NR4A1: variants seen among roughly 807,000 people sequenced by gnomAD.
NR4A1 encodes nuclear receptor subfamily 4immunitygroup A member 1.
In NR4A1, 24 loss-of-function variants were observed where a neutral mutation model predicts 47.5. The observed-to-expected ratio is 0.50, with a 90% CI of 0.37 to 0.71. The LOEUF (loss-of-function observed/expected upper bound fraction) is 0.71, where lower values mean the gene tolerates loss of function less well. Ranked by LOEUF, NR4A1 falls within the 30% of genes least tolerant of loss-of-function variation. The pLI is 0.00. For missense variants in NR4A1, 669 were observed against 788.6 expected, an observed-to-expected ratio of 0.85 and a Z score of 1.82; for synonymous variants, 353 against 345.7, an observed-to-expected ratio of 1.02 and a Z score of -0.24.
At chr12:52,035,916 G>A (rs1029926343) in intron 1 of NR4A1, among the ~76,000 whole-genome samples, 3 of 152,134 alleles carry the variant, frequency 2.0e-5, no homozygotes, top group Non-Finnish European at 2.9e-5. Flanking sequence ...TCTTTGCTGC[G>A]TGGGGCCTGG....
intron 1 of NR4A1, among the ~76,000 whole-genome samples, chr12:52,023,425 C>A (rs1937928378): frequency 6.6e-6 from 1 of 152,194 alleles, no homozygotes; most frequent in Non-Finnish European, 1.5e-5. Context: ...TTGCTGGGAT[C>A]TGGGAAGGAA....
chr12:52,057,188 G>A lies in NR4A1; in HGVS notation c.1290G>A (p.Leu430=), dbSNP rs1939318538. 6.2e-7 allele frequency: 1 copy of A among 1,613,966 alleles called. No individual in the cohort carries two copies. Among genetic ancestry groups the A allele is most frequent in the Admixed American group, 1.7e-5 (1 of 59,998 alleles). ...WAEKIPGFAE[L]SPADQDLLLE... ...AGAAGATCCCTGGCTTTGCTGAGCT[G>A]TCACCGGCTGACCAGGACCTGTTGC... Residue 430 remains leucine, a synonymous_variant, in exon 5 of 7, where the codon CTG becomes CTA. Coordinates refer to ENST00000394825, the MANE Select transcript of NR4A1 (RefSeq NM_173157.3).
chr12:52,045,835 G>A (rs1466414932), intron 2 of NR4A1, among the ~76,000 whole-genome samples: 1 of 152,210 alleles, frequency 6.6e-6, no homozygotes, highest in Non-Finnish European at 1.5e-5. Flanking sequence ...GGAGAGCAGA[G>A]CCTGGGCCTG....
chr12:52,055,621 G>A (rs181422502), intron 2 of NR4A1: 108 of 430,480 alleles, frequency 2.5e-4, no homozygotes, highest in African/African-American at 2.0e-3. Flanking sequence ...GCTGGGGGTG[G>A]ACTTGGGAAC....
chr12:52,056,557 C>T lies in NR4A1; in HGVS notation c.1070C>T (p.Pro357Leu), dbSNP rs1939282420. The T allele has an allele frequency of 6.2e-7, 1 of 1,613,658 alleles. No individual in the cohort carries two copies. The highest frequency in any genetic ancestry group is 2.2e-5 in the East Asian group (1 of 44,836). Residue 357 changes from proline (P) to leucine (L), a missense_variant, in exon 4 of 7, where the codon CCA becomes CTA. Coordinates refer to ENST00000394825, the MANE Select transcript of NR4A1 (RefSeq NM_173157.3). ...GRLPSKPKQP[P>L]DASPANLLTS... ...CTACCTTCAAAACCCAAGCAGCCCC[C>T]AGATGCCTCCCCTGCCAATCTCCTC...
At chr12:52,058,602 G>A in intron 6 of NR4A1, 86 bp from the exon 7 acceptor site, 2 of 1,442,774 alleles carry the variant, frequency 1.4e-6, no homozygotes, top group Non-Finnish European at 1.8e-6. Flanking sequence ...GGTGGTCAGG[G>A]GCAGCAGTTT....
At position 52,026,496 on chromosome 12, in the gene NR4A1, A is replaced by G. The variant is rs545588291; in HGVS notation, c.-84+3557A>G. ...CAGGAACTCTTTAAGTGCTTTATGC[A>G]TAAAAACTCACTGGATCCTCACAAC... On this transcript the variant is annotated intron_variant, in intron 1 of 7. Transcript: ENST00000360284. Among the ~76,000 whole-genome samples, 4 of 152,328 alleles carry G rather than the reference A, an allele frequency of 2.6e-5. No homozygotes were observed. The South Asian group carries it at 8.3e-4, about 32-fold the overall frequency.
chr12:52,056,402 T>TG, intron 3 of NR4A1, 92 bp from the exon 4 acceptor site: 3 of 1,524,052 alleles, frequency 2.0e-6, no homozygotes, highest in Non-Finnish European at 2.6e-6. Flanking sequence ...AGGGACTCGG[T>TG]GGGGCGCGTC....
chr12:52,034,212 G>A (rs1344261658), intron 1 of NR4A1, among the ~76,000 whole-genome samples: 2 of 152,178 alleles, frequency 1.3e-5, no homozygotes, highest in Non-Finnish European at 1.5e-5. Flanking sequence ...TTCACACTGG[G>A]CCCTACATTC....
chr12:52,048,740 G>C (rs1565647379), upstream of NR4A1, among the ~76,000 whole-genome samples: 2 of 152,194 alleles, frequency 1.3e-5, no homozygotes, highest in Non-Finnish European at 2.9e-5. Context: ...GTGTGCTCCT[G>C]AGCAAAGTGT....
upstream of NR4A1, among the ~76,000 whole-genome samples, chr12:52,051,044 C>T (rs1335594457): frequency 6.6e-6 from 1 of 152,174 alleles, no homozygotes; most frequent in African/African-American, 2.4e-5. Flanking sequence ...TCTACAGCGC[C>T]CCTTCTCGGG....
intron 1 of NR4A1, among the ~76,000 whole-genome samples, chr12:52,036,612 C>A (rs567172887): frequency 1.2e-4 from 18 of 152,350 alleles, no homozygotes; most frequent in African/African-American, 4.3e-4. Flanking sequence ...GGGGCCTGCA[C>A]CCCCGCCTCG....
rs1275237460 is a variant in NR4A1 at position 52,055,341 on chromosome 12, G to T, written c.876+137G>T. 4 of 1,156,406 alleles carry T rather than the reference G, an allele frequency of 3.5e-6. No homozygotes were observed. The African/African-American group carries it at 6.2e-5, about 18-fold the overall frequency. The allele number at this position is 1,156,406 out of a possible 1,614,324, so 71.6% of individuals were successfully genotyped here. The stretch of plus-strand genomic sequence containing the variant: ...TGCAGGGTGGGATCAGCCCTGCCAG[G>T]TGGGCCGCCTTCCTGGAGACCCGTA... On this transcript the variant is annotated intron_variant, in intron 2 of 6. Transcript: ENST00000394825.
rs955479780 is a variant in NR4A1, at chr12:52,045,704, C to T, written c.37+3775C>T. ...TGCCTCTGATAGCTCTTCCATATTT[C>T]GCCCCTGCTGAGAGCTGAGGGGAGG... On this transcript the variant is annotated intron_variant, in intron 2 of 7. Transcript: ENST00000360284. The T allele has an allele frequency of 1.4e-4, 44 of 316,066 alleles. 1 individual carries two copies. Among genetic ancestry groups the T allele is most frequent in the Non-Finnish European group, 2.2e-4 (33 of 152,920 alleles). The allele number at this position is 316,066 out of a possible 1,614,324, so 19.6% of individuals were successfully genotyped here.
chr12:52,057,319 C>T (rs1409055650), intron 5 of NR4A1, 33 bp from the exon 6 acceptor site: 5 of 1,614,020 alleles, frequency 3.1e-6, no homozygotes, highest in South Asian at 2.2e-5. Flanking sequence ...TGTGAACCAC[C>T]CTGATCGCTC....
chr12:52,046,571 G>A (rs1256544930), upstream of NR4A1, among the ~76,000 whole-genome samples: 1 of 152,178 alleles, frequency 6.6e-6, no homozygotes, highest in African/African-American at 2.4e-5. Context: ...TACATAATGA[G>A]AAACAGCCAC....
chr12:52,055,282 C>T, intron 2 of NR4A1, 78 bp downstream of exon 2: 1 of 1,565,636 alleles, frequency 6.4e-7, no homozygotes, highest in South Asian at 1.1e-5. Context: ...CCTGTGGTCT[C>T]CCCCTGGGTT....
At chr12:52,047,812 G>T (rs183572513), upstream of NR4A1, among the ~76,000 whole-genome samples, 114 of 152,362 alleles carry the variant, frequency 7.5e-4, 3 homozygotes, top group African/African-American at 2.6e-3. Flanking sequence ...CAAGTTGTGA[G>T]GAGGAGAGGA....
chr12:52,035,300 T>C (rs1358735672), intron 1 of NR4A1, among the ~76,000 whole-genome samples: 1 of 152,202 alleles, frequency 6.6e-6, no homozygotes, highest in Non-Finnish European at 1.5e-5. Context: ...TAGGAGAATA[T>C]ATAATAAAGA....
Sources: gnomAD v4.1 joint callset for allele counts (sites outside exome capture counted in the v4.1 genomes callset) on GRCh38, gnomAD v4.1.1 for gene constraint, MANE v1.5 for transcripts, NCBI Gene and HGNC (gene_info 2026-07-23, HGNC 2026-07-21) for gene names.